The following SPIRE1 variants were observed in gnomAD, a reference collection of about 807,000 sequenced individuals.
SPIRE1 encodes protein spire homolog 1.
In SPIRE1, 40 loss-of-function variants were observed where a neutral mutation model predicts 94.1. The ratio of observed to expected loss-of-function variants is 0.43; its 90% CI spans 0.33 to 0.55. The LOEUF is 0.55. SPIRE1 is among the 20% of genes least tolerant of loss of function. The pLI is 0.06. For synonymous variants in SPIRE1, 376 were observed against 371.7 expected, an observed-to-expected ratio of 1.01 and a Z score of -0.13; for missense variants, 838 against 975.2, an observed-to-expected ratio of 0.86 and a Z score of 1.87.
chr18:12,615,542 C>CAAAAAAAAAAAAAAAAAAAAAAAAA (rs71174108), intron 2 of SPIRE1, among the ~76,000 whole-genome samples: 3 of 75,796 alleles, frequency 4.0e-5, no homozygotes, highest in African/African-American at 9.0e-5. Flanking sequence ...TCTATCTCCA[C>CAAAAAAAAAAAAAAAAAAAAAAAAA]AAAAAAAAAA....
chr18:12,583,857 T>C (rs2036321545), intron 2 of SPIRE1, among the ~76,000 whole-genome samples: 1 of 149,848 alleles, frequency 6.7e-6, no homozygotes, highest in Non-Finnish European at 1.5e-5. Flanking sequence ...CCTAGAAGGG[T>C]TAGAAGCTGC....
At chr18:12,614,275 TA>T (rs1365693462) in intron 2 of SPIRE1, among the ~76,000 whole-genome samples, 1 of 151,886 alleles carries the variant, frequency 6.6e-6, no homozygotes. Context: ...AATAAATAAA[TA>T]AAAACTGGAA....
chr18:12,474,257 G>A (rs188783134), intron 10 of SPIRE1, among the ~76,000 whole-genome samples: 1 of 152,320 alleles, frequency 6.6e-6, no homozygotes, highest in South Asian at 2.1e-4. Flanking sequence ...TACAGAGAGT[G>A]GACAAAGAGG....
chr18:12,583,782 G>A (rs777439851), intron 2 of SPIRE1, among the ~76,000 whole-genome samples: 18 of 151,946 alleles, frequency 1.2e-4, no homozygotes, highest in Non-Finnish European at 2.2e-4. Flanking sequence ...AAAAAGTGCT[G>A]GGCGTGGTGG....
chr18:12,544,983 C>T (rs2144267584), intron 3 of SPIRE1, among the ~76,000 whole-genome samples: 1 of 152,226 alleles, frequency 6.6e-6, no homozygotes, highest in East Asian at 1.9e-4. Flanking sequence ...ATACTTCCCC[C>T]AACACACACA....
In SPIRE1 at chr18:12,573,742, C is replaced by CTT. The variant is rs34163475; in HGVS notation, c.373-26840_373-26839dup. ...TATGTACTATTGACTTTTAATTTTTCTTTTTTTTTTCCTTTGAGACGGAGT... is the reference window on the plus strand; with the variant it reads ...TATGTACTATTGACTTTTAATTTTTCTTTTTTTTTTTTCCTTTGAGACGGAGT... On this transcript the variant is annotated intron_variant, in intron 2 of 16. Coordinates refer to ENST00000409402, the MANE Select transcript of SPIRE1 (RefSeq NM_001128626.2). 6.0e-5 allele frequency among the ~76,000 whole-genome samples: 9 copies of CTT among 149,746 alleles called. No individual in the cohort carries two copies. In the South Asian group the frequency reaches 6.3e-4, roughly 11 times the overall value.
intron 1 of SPIRE1, among the ~76,000 whole-genome samples, chr18:12,647,172 ATT>A (rs2144875330): frequency 6.6e-6 from 1 of 152,292 alleles, no homozygotes; most frequent in Non-Finnish European, 1.5e-5. Flanking sequence ...TCCTTTTTAA[ATT>A]TATACTAATG....
At chr18:12,497,766 G>A (rs187120563) in intron 6 of SPIRE1, among the ~76,000 whole-genome samples, 1 of 152,276 alleles carries the variant, frequency 6.6e-6, no homozygotes, top group East Asian at 1.9e-4. Flanking sequence ...TCATAAAACA[G>A]TTTAATCAGA....
chr18:12,477,465 A>C (rs1307797272), intron 10 of SPIRE1, among the ~76,000 whole-genome samples: 1 of 152,164 alleles, frequency 6.6e-6, no homozygotes, highest in Non-Finnish European at 1.5e-5. Context: ...AATGTAAATC[A>C]CTGTTCTTAT....
intron 1 of SPIRE1, among the ~76,000 whole-genome samples, chr18:12,655,638 T>C (rs1377796011): frequency 6.6e-6 from 1 of 152,064 alleles, no homozygotes; most frequent in Non-Finnish European, 1.5e-5. Context: ...GAGATCAACA[T>C]GTTATCACTC....
chr18:12,634,304 TAAC>T (rs1386567129), intron 2 of SPIRE1, among the ~76,000 whole-genome samples: 1 of 150,970 alleles, frequency 6.6e-6, no homozygotes, highest in Non-Finnish European at 1.5e-5. Flanking sequence ...CTTGTATAAA[TAAC>T]AAAGCACCAA....
rs2031328119 is a variant in SPIRE1 at position 12,453,152 on chromosome 18, A to G, written c.1777-14T>C. The G allele has an allele frequency of 6.3e-7, 1 of 1,586,506 alleles. No homozygotes were observed. The highest frequency in any genetic ancestry group is 8.6e-7 in the Non-Finnish European group (1 of 1,168,948). ...ACAAAAGCAGAGCTAAAAAATACAAATTTAAGAGGAAAAAAAACATTGCCA... is the reference window on the plus strand; with the variant it reads ...ACAAAAGCAGAGCTAAAAAATACAAGTTTAAGAGGAAAAAAAACATTGCCA... On this transcript the variant is annotated splice_polypyrimidine_tract_variant and intron_variant, in intron 13 of 16. Coordinates refer to ENST00000409402, the MANE Select transcript of SPIRE1 (RefSeq NM_001128626.2).
chr18:12,545,987 TTTA>T (rs571457451), intron 3 of SPIRE1, among the ~76,000 whole-genome samples: 1 of 151,852 alleles, frequency 6.6e-6, no homozygotes, highest in Non-Finnish European at 1.5e-5. Context: ...ATCACCGTTC[TTTA>T]TTATTATTAT....
At chr18:12,457,235 C>G (rs1396567742) in intron 12 of SPIRE1, among the ~76,000 whole-genome samples, 2 of 152,120 alleles carry the variant, frequency 1.3e-5, no homozygotes, top group Non-Finnish European at 2.9e-5. Context: ...TCCATCCAGT[C>G]AAATGCTAAT....
At chr18:12,640,748 C>T (rs1056823452) in intron 1 of SPIRE1, among the ~76,000 whole-genome samples, 1 of 152,066 alleles carries the variant, frequency 6.6e-6, no homozygotes, top group Non-Finnish European at 1.5e-5. Context: ...CAGGAGGTGG[C>T]GTGTGACAGG....
intron 2 of SPIRE1, among the ~76,000 whole-genome samples, chr18:12,583,108 A>G (rs2036300583): frequency 6.6e-6 from 1 of 152,242 alleles, no homozygotes; most frequent in Non-Finnish European, 1.5e-5. Context: ...AAAATATTGG[A>G]TGAAACATGA....
In SPIRE1 at chr18:12,472,362, C is replaced by G. The variant is rs577561471; in HGVS notation, c.1404+7337G>C. The stretch of plus-strand genomic sequence containing the variant: ...AAAACCATTATAGCGACACCATGCC[C>G]TGTGCTTTTTTTTTTTTTTTTTTGA... On this transcript the variant is annotated intron_variant, in intron 10 of 16. Coordinates refer to ENST00000409402, the MANE Select transcript of SPIRE1 (RefSeq NM_001128626.2). Among the ~76,000 whole-genome samples the G allele has an allele frequency of 2.7e-3, 409 of 151,092 alleles. 3 individuals are homozygous for G. The highest frequency in any genetic ancestry group is 9.6e-3 in the African/African-American group (394 of 41,132).
At chr18:12,548,193 C>G (rs1383964659) in intron 2 of SPIRE1, among the ~76,000 whole-genome samples, 1 of 152,202 alleles carries the variant, frequency 6.6e-6, no homozygotes, top group Non-Finnish European at 1.5e-5. Flanking sequence ...CTTCCTTTAG[C>G]CCATTCTTTT....
At chr18:12,570,614 T>C (rs2035937993) in intron 2 of SPIRE1, among the ~76,000 whole-genome samples, 2 of 152,216 alleles carry the variant, frequency 1.3e-5, no homozygotes, top group Admixed American at 6.5e-5. Flanking sequence ...AGACATTAAT[T>C]ATTCTCATTT....
Sources: gnomAD v4.1 joint callset for allele counts (sites outside exome capture counted in the v4.1 genomes callset) on GRCh38, gnomAD v4.1.1 for gene constraint, MANE v1.5 for transcripts, NCBI Gene and HGNC (gene_info 2026-07-23, HGNC 2026-07-21) for gene names.